CYFIP1: variants seen among roughly 807,000 people sequenced by gnomAD.
CYFIP1 encodes cytoplasmic FMR1 interacting protein 1.
CYFIP1 carries 58 observed loss-of-function variants against 163.5 expected under a neutral mutation model. That is an observed-to-expected ratio of 0.35 (90% CI 0.29 to 0.44). The LOEUF (loss-of-function observed/expected upper bound fraction) is 0.44, where lower values mean the gene tolerates loss of function less well. Among genes scored for constraint, CYFIP1 ranks in the 20% least tolerant of loss-of-function variants. The pLI is 1.00. For synonymous variants in CYFIP1, 663 were observed against 660.7 expected, an observed-to-expected ratio of 1.00 and a Z score of -0.05; for missense variants, 1,338 against 1,653.8, an observed-to-expected ratio of 0.81 and a Z score of 3.31.
At chr15:22,893,899 G>A (rs1244310790) in intron 22 of CYFIP1, among the ~76,000 whole-genome samples, 1 of 152,208 alleles carries the variant, frequency 6.6e-6, no homozygotes, top group Non-Finnish European at 1.5e-5. Context: ...ATCTGCAGAT[G>A]TGTCTGCAAC....
intron 1 of CYFIP1, chr15:22,951,650 A>T (rs2062253695): frequency 3.2e-6 from 3 of 939,394 alleles, no homozygotes; most frequent in Non-Finnish European, 4.3e-6. Flanking sequence ...GCGGGTCAAC[A>T]AGAAGACAGG....
At chr15:22,907,669 G>A (rs1015590532) in intron 21 of CYFIP1, among the ~76,000 whole-genome samples, 18 of 152,232 alleles carry the variant, frequency 1.2e-4, no homozygotes, top group African/African-American at 4.1e-4. Context: ...AAGACAACCA[G>A]CCCATTCAGG....
intron 23 of CYFIP1, among the ~76,000 whole-genome samples, chr15:22,890,082 A>G (rs1036380261): frequency 1.3e-5 from 2 of 151,932 alleles, no homozygotes; most frequent in African/African-American, 4.8e-5. Flanking sequence ...TGGGCGGATC[A>G]TTTGAGGTCA....
chr15:22,872,961 C>T lies in CYFIP1; in HGVS notation c.3461G>A (p.Gly1154Asp). ...THEFTVEQCF[G>D]DGLHWAGCMI... ...ACAGCCAGCCCAGTGTAGCCCATCA[C>T]CAAAGCACTGCCTAGGAACAAGAAG... Residue 1154 changes from glycine (G) to aspartate (D), a missense_variant, in exon 30 of 31, where the codon GGT becomes GAT. Around this residue, in one of 4 missense-constraint regions of CYFIP1, gnomAD observed 306 missense variants for 322.1 expected, o/e 0.95. Transcript: ENST00000617928. 1 of 1,613,882 alleles carries T rather than the reference C, an allele frequency of 6.2e-7. No individual in the cohort carries two copies. Among genetic ancestry groups the T allele is most frequent in the Non-Finnish European group, 8.5e-7 (1 of 1,179,924 alleles).
At chr15:22,928,563 G>A (rs1054425142) in intron 11 of CYFIP1, among the ~76,000 whole-genome samples, 50 of 152,198 alleles carry the variant, frequency 3.3e-4, no homozygotes, top group African/African-American at 9.2e-4. Context: ...CCGCGGGCTG[G>A]GCGCGGGGCT....
intron 6 of CYFIP1, among the ~76,000 whole-genome samples, chr15:22,940,544 C>A (rs2061862700): frequency 6.6e-6 from 1 of 152,200 alleles, no homozygotes; most frequent in African/African-American, 2.4e-5. Context: ...GAGGCAACAC[C>A]TGAAGCGGAG....
chr15:22,873,751 G>C, intron 28 of CYFIP1, 22 bp from the exon 29 acceptor site: 1 of 1,593,822 alleles, frequency 6.3e-7, no homozygotes, highest in South Asian at 1.1e-5. Flanking sequence ...ACAAGCCGTG[G>C]AATGCCGTGG....
At position 22,939,308 on chromosome 15, in the gene CYFIP1, G is replaced by C. The variant is rs748878900; in HGVS notation, c.679C>G (p.Gln227Glu). The C allele has an allele frequency of 3.1e-6, 5 of 1,614,040 alleles. No individual in the cohort carries two copies. The highest frequency in any genetic ancestry group is 4.2e-6 in the Non-Finnish European group (5 of 1,180,022). ...TCGTAGCCAGAAATCACTTCGAGCT[G>C]CTGCTGCAGAGACTGAAACACAGAG... ...HNKITQSLQQ[Q>E]LEVISGYEEL... is the part of the protein sequence containing the mutation. The change falls in exon 8 of 31, where the codon CAG (glutamine) becomes GAG (glutamate). Residue 227 changes from glutamine (Q) to glutamate (E), a missense_variant. This residue lies in a region of CYFIP1 where 824 missense variants were observed against 995.7 expected (regional missense o/e 0.83). Transcript: ENST00000617928.
intron 17 of CYFIP1, 48 bp from the exon 18 acceptor site, chr15:22,912,323 G>A (rs1294162114): frequency 1.2e-5 from 17 of 1,442,258 alleles, no homozygotes; most frequent in African/African-American, 4.3e-5. Context: ...CCACTCACTC[G>A]CAGCTCCGAC....
At chr15:22,944,495 T>C in intron 5 of CYFIP1, 63 bp downstream of exon 5, 1 of 1,079,568 alleles carries the variant, frequency 9.3e-7, no homozygotes, top group Non-Finnish European at 1.4e-6. Context: ...CAGTGATGGG[T>C]AGGAAGGGGT....
intron 20 of CYFIP1, 71 bp from the exon 21 acceptor site, chr15:22,909,384 C>T (rs2060705344): frequency 2.5e-6 from 4 of 1,588,044 alleles, no homozygotes; most frequent in South Asian, 2.2e-5. Flanking sequence ...AACGCCTCAC[C>T]AGAGACCCTG....
chr15:22,880,091 G>A (rs370815947), intron 25 of CYFIP1, 48 bp from the exon 26 acceptor site: 2 of 1,608,732 alleles, frequency 1.2e-6, no homozygotes, highest in African/African-American at 1.3e-5. Flanking sequence ...AGGGGGCCGG[G>A]CCCTAGCAGC....
chr15:22,961,098 T>C (rs1281260953), intron 1 of CYFIP1, among the ~76,000 whole-genome samples: 4 of 152,034 alleles, frequency 2.6e-5, no homozygotes, highest in Admixed American at 1.3e-4. Context: ...CTCGACTCAC[T>C]GCAACCTCCG....
intron 23 of CYFIP1, among the ~76,000 whole-genome samples, chr15:22,890,322 A>C (rs1043594453): frequency 3.9e-5 from 6 of 151,988 alleles, no homozygotes; most frequent in Non-Finnish European, 8.8e-5. Context: ...AAAAAAAAAA[A>C]AAAAGAAAAG....
At chr15:22,970,459 A>C (rs774009863) in intron 1 of CYFIP1, among the ~76,000 whole-genome samples, 29 of 152,212 alleles carry the variant, frequency 1.9e-4, no homozygotes, top group Admixed American at 9.2e-4. Flanking sequence ...ATTCATAGGA[A>C]TCTCCAAGGA....
At chr15:22,961,486 C>G (rs1240722505) in intron 1 of CYFIP1, among the ~76,000 whole-genome samples, 1 of 152,160 alleles carries the variant, frequency 6.6e-6, no homozygotes, top group Non-Finnish European at 1.5e-5. Context: ...TCAAGTGATC[C>G]TCCCACCTCA....
intron 25 of CYFIP1, 64 bp downstream of exon 25, chr15:22,881,781 CT>C (rs903096389): frequency 6.7e-7 from 1 of 1,483,896 alleles, no homozygotes; most frequent in African/African-American, 1.4e-5. Context: ...TCAAGAATTT[CT>C]GACTTGAATT....
In CYFIP1 at chr15:22,903,647, C is replaced by A. The variant is rs568774622; in HGVS notation, c.2588+59G>T. ...GACCTGGTGACATGGAGGAAGCCTG[C>A]GGGGACATGGGTCCCTGAGCGCCTC... On this transcript the variant is annotated intron_variant, in intron 22 of 30. Transcript: ENST00000617928. The A allele has an allele frequency of 2.0e-4, 320 of 1,569,528 alleles. 2 individuals are homozygous for A. Among genetic ancestry groups the A allele is most frequent in the Non-Finnish European group, 2.7e-4 (309 of 1,144,238 alleles).
chr15:22,968,808 A>T (rs1048864484), intron 1 of CYFIP1, among the ~76,000 whole-genome samples: 1 of 152,196 alleles, frequency 6.6e-6, no homozygotes, highest in Non-Finnish European at 1.5e-5. Flanking sequence ...AGCTGGCCCC[A>T]CTGAGCCATG....
Sources: gnomAD v4.1 joint callset for allele counts (sites outside exome capture counted in the v4.1 genomes callset) on GRCh38, gnomAD v4.1.1 for gene constraint, gnomAD v4.1.1 regional missense constraint, MANE v1.5 for transcripts, NCBI Gene and HGNC (gene_info 2026-07-23, HGNC 2026-07-21) for gene names.